Variants in RABGAP1 observed in about 807,000 individuals in gnomAD.
RABGAP1 encodes RAB GTPase activating protein 1, also known as rab GTPase-activating protein 1.
A neutral mutation model predicts 137.6 loss-of-function variants in RABGAP1; 23 were observed. That is an observed-to-expected ratio of 0.17 (90% confidence interval 0.12 to 0.24). The LOEUF is 0.24. Ranked by LOEUF, RABGAP1 falls within the 10% of genes least tolerant of loss-of-function variation. The pLI, the probability that RABGAP1 is intolerant of heterozygous loss-of-function variation, is 1.00. For missense variants in RABGAP1, 906 were observed against 1,275.8 expected (o/e 0.71, Z 4.42); for synonymous variants, 451 against 450.7 (o/e 1.00, Z -0.01).
intron 22 of RABGAP1, 87 bp downstream of exon 22, chr9:123,097,932 C>T: frequency 9.1e-7 from 1 of 1,097,048 alleles, no homozygotes; most frequent in Non-Finnish European, 1.3e-6. Context: ...CACTAGAAAA[C>T]CTAGAGACAT....
chr9:122,982,443 T>C (rs540869519), intron 2 of RABGAP1, among the ~76,000 whole-genome samples: 4 of 152,352 alleles, frequency 2.6e-5, no homozygotes, highest in African/African-American at 9.6e-5. Context: ...GGTTTACTTA[T>C]GTGCCAAAGA....
chr9:123,103,040 G>C (rs375631405), intron 25 of RABGAP1, 51 bp from the exon 26 acceptor site: 6 of 1,593,908 alleles, frequency 3.8e-6, no homozygotes, highest in Non-Finnish European at 5.1e-6. Flanking sequence ...TGGGGAGCCA[G>C]TGTCATTGAC....
At chr9:123,036,816 CTT>C (rs35388646) in intron 13 of RABGAP1, among the ~76,000 whole-genome samples, 2 of 142,190 alleles carry the variant, frequency 1.4e-5, no homozygotes. Context: ...TCTTAATGGT[CTT>C]TTTTTTTTTT....
chr9:122,968,292 A>C lies in RABGAP1; in HGVS notation c.150+11083A>C, dbSNP rs369454608. Among the ~76,000 whole-genome samples, 17 of 138,278 alleles carry C rather than the reference A, an allele frequency of 1.2e-4. No homozygotes were observed. The East Asian group carries it at 1.9e-3, about 15-fold the overall frequency. 90.7% of individuals were successfully genotyped at this position (138,278 alleles called of 152,430 possible). A position where few individuals can be genotyped will look rare whatever the true frequency, so the allele number is the denominator to read the frequency against. On this transcript the variant is annotated intron_variant, in intron 2 of 25. Coordinates refer to ENST00000373647, the MANE Select transcript of RABGAP1 (RefSeq NM_012197.4). Reference sequence around the variant, plus strand: ...GGCTGCAGTGCAGTGGTGCAATCTCAGCTCACTGCAACCTCCACTTACTGA... The same window carrying C: ...GGCTGCAGTGCAGTGGTGCAATCTCCGCTCACTGCAACCTCCACTTACTGA...
rs527951242 is a variant in RABGAP1 at position 123,069,509 on chromosome 9, AGT to A, written c.1909-840_1909-839del. On this transcript the variant is annotated intron_variant, in intron 14 of 25. Coordinates refer to ENST00000373647, the MANE Select transcript of RABGAP1 (RefSeq NM_012197.4). ...TCCTAGCAGTTTGTGAGGCTGAGGC[AGT>A]AGGATCACTTGAGCTTAGGAGTTTG... 5.6e-4 allele frequency among the ~76,000 whole-genome samples: 85 copies of A among 152,000 alleles called. No homozygotes were observed. The South Asian group carries it at 0.011, about 20-fold the overall frequency.
intron 11 of RABGAP1, among the ~76,000 whole-genome samples, chr9:123,013,471 A>G (rs961410454): frequency 6.6e-6 from 1 of 151,922 alleles, no homozygotes; most frequent in Non-Finnish European, 1.5e-5. Flanking sequence ...AGCTGGGATT[A>G]CAGGTGCCCA....
intron 13 of RABGAP1, among the ~76,000 whole-genome samples, chr9:123,051,124 T>G (rs897855323): frequency 6.6e-6 from 1 of 151,042 alleles, no homozygotes; most frequent in Non-Finnish European, 1.5e-5. Flanking sequence ...TTTTTTTTTT[T>G]AGGATCTGAA....
chr9:122,957,198 A>G lies in RABGAP1; in HGVS notation c.139A>G (p.Thr47Ala), dbSNP rs768128401. ...STNNGSDDEK[T>A]GLKIVGNGSE... ...AAATAATGGAAGTGATGATGAGAAA[A>G]CAGGACTCAAGGTAAAACTCCCTAA... The change falls in exon 2 of 26, where the codon ACA becomes GCA. Residue 47 changes from threonine (T) to alanine (A), a missense_variant. This residue lies in a region of RABGAP1 where 331 missense variants were observed against 358.3 expected (regional missense o/e 0.92). Coordinates refer to ENST00000373647, the MANE Select transcript of RABGAP1 (RefSeq NM_012197.4). 6.5e-7 allele frequency: 1 copy of G among 1,534,584 alleles called. No individual in the cohort carries two copies. The highest frequency in any genetic ancestry group is 1.3e-5 in the African/African-American group (1 of 74,294).
intron 21 of RABGAP1, among the ~76,000 whole-genome samples, chr9:123,094,496 A>G (rs547446521): frequency 6.6e-6 from 1 of 152,322 alleles, no homozygotes; most frequent in African/African-American, 2.4e-5. Context: ...TCACTTTTCA[A>G]TGTAAACCAA....
intron 14 of RABGAP1, among the ~76,000 whole-genome samples, chr9:123,067,681 A>G (rs1259902546): frequency 3.3e-5 from 5 of 152,232 alleles, no homozygotes; most frequent in African/African-American, 1.2e-4. Context: ...ATATGGTAGC[A>G]TCTGTAGCAC....
chr9:122,993,695 G>T (rs1363067072), intron 6 of RABGAP1, among the ~76,000 whole-genome samples: 1 of 152,004 alleles, frequency 6.6e-6, no homozygotes, highest in Non-Finnish European at 1.5e-5. Flanking sequence ...ACGGAGTCTC[G>T]CTCTGTCACC....
At chr9:123,003,811 G>C (rs1338167731) in intron 10 of RABGAP1, among the ~76,000 whole-genome samples, 1 of 152,164 alleles carries the variant, frequency 6.6e-6, no homozygotes, top group Non-Finnish European at 1.5e-5. Context: ...CTAATGAATA[G>C]ATTTTCCAAT....
rs999135357 is a variant in RABGAP1 at position 123,088,740 on chromosome 9, T to G, written c.2425-1018T>G. Among the ~76,000 whole-genome samples, 7 of 152,286 alleles carry G rather than the reference T, an allele frequency of 4.6e-5. No homozygotes were observed. In the East Asian group the frequency reaches 5.8e-4, roughly 13 times the overall value. The stretch of plus-strand genomic sequence containing the variant: ...AGGTATGTTGCCCTTGGTTATAGTT[T>G]AGCTTGAAGAAGGAGACAGAGCCAA... On this transcript the variant is annotated intron_variant, in intron 19 of 25. Transcript: ENST00000373647.
intron 13 of RABGAP1, among the ~76,000 whole-genome samples, chr9:123,021,715 CCAGA>C (rs1355265603): frequency 2.6e-5 from 4 of 152,164 alleles, no homozygotes; most frequent in Admixed American, 6.5e-5. Context: ...CATCCTATAT[CCAGA>C]CAGATTTTTT....
chr9:123,091,466 C>T (rs1483072577), intron 21 of RABGAP1, among the ~76,000 whole-genome samples: 4 of 152,098 alleles, frequency 2.6e-5, no homozygotes, highest in Non-Finnish European at 5.9e-5. Flanking sequence ...AGACAGAGAC[C>T]ACAGTATCTA....
At chr9:122,949,002 T>C (rs1391667386) in intron 1 of RABGAP1, among the ~76,000 whole-genome samples, 1 of 152,222 alleles carries the variant, frequency 6.6e-6, no homozygotes, top group Non-Finnish European at 1.5e-5. Flanking sequence ...GTGCCCGTTA[T>C]ACTCCCAGCA....
At chr9:123,010,231 A>G (rs1034893689) in intron 10 of RABGAP1, 123 bp from the exon 11 acceptor site, 5 of 822,380 alleles carry the variant, frequency 6.1e-6, no homozygotes, top group Non-Finnish European at 9.0e-6. Context: ...CACATCCTGT[A>G]TGAAATCAGA....
At chr9:123,084,771 A>G (rs1235429254) in intron 19 of RABGAP1, among the ~76,000 whole-genome samples, 1 of 152,190 alleles carries the variant, frequency 6.6e-6, no homozygotes, top group African/African-American at 2.4e-5. Context: ...GACTTTATAT[A>G]TATTTGATGT....
At chr9:123,077,444 G>T (rs12350874) in intron 19 of RABGAP1, among the ~76,000 whole-genome samples, 229 of 152,104 alleles carry the variant, frequency 1.5e-3, no homozygotes, top group African/African-American at 5.3e-3. Context: ...GAGCCACCAC[G>T]CCTGGCCTTA....
Sources: gnomAD v4.1 joint callset for allele counts (sites outside exome capture counted in the v4.1 genomes callset) on GRCh38, gnomAD v4.1.1 for gene constraint, gnomAD v4.1.1 regional missense constraint, MANE v1.5 for transcripts, NCBI Gene and HGNC (gene_info 2026-07-23, HGNC 2026-07-21) for gene names.